The following TTC28 variants were observed in gnomAD, a reference collection of about 807,000 sequenced individuals.
The protein encoded by TTC28 is tetratricopeptide repeat domain 28.
Under a neutral mutation model 198.0 loss-of-function variants are expected in TTC28, and 61 were observed. That is an observed-to-expected ratio of 0.31 (90% CI 0.25 to 0.38). TTC28 has a LOEUF of 0.38. Ranked by LOEUF, TTC28 falls within the 10% of genes least tolerant of loss-of-function variation. TTC28 has a pLI of 1.00. For synonymous variants in TTC28, 1,171 were observed against 1,297.8 expected, an observed-to-expected ratio of 0.90 and a Z score of 2.10; for missense variants, 2,678 against 3,164.0, an observed-to-expected ratio of 0.85 and a Z score of 3.69.
In TTC28 at chr22:27,996,263, C is replaced by CAGAA; in HGVS notation, c.5120-8_5120-5dup. 1 of 1,550,434 alleles carries CAGAA rather than the reference C, an allele frequency of 6.4e-7. No homozygotes were observed. Among genetic ancestry groups the CAGAA allele is most frequent in the Non-Finnish European group, 8.7e-7 (1 of 1,146,806 alleles). ...TCACTCCCGATGAGCATGAACCCTG[C>CAGAA]AGAAAGCAAAGGAGGGCACCTCAGC... On this transcript the variant is annotated splice_polypyrimidine_tract_variant and splice_region_variant and intron_variant, in intron 16 of 22. Transcript: ENST00000397906.
In TTC28 at chr22:27,999,048, C is replaced by T; in HGVS notation, c.4611G>A (p.Leu1537=). Reference sequence around the variant, plus strand: ...CAAAGTGGACGCATTCAGCCTGGGTCAGGGCACTCATGACCCTCTCCTTGG... The same window carrying T: ...CAAAGTGGACGCATTCAGCCTGGGTTAGGGCACTCATGACCCTCTCCTTGG... ...VATKERVMSA[L]TQAECVHFAT... The change falls in exon 16 of 23, where the codon CTG becomes CTA. Residue 1537 remains leucine (L), a synonymous_variant. Coordinates refer to ENST00000397906, the MANE Select transcript of TTC28 (RefSeq NM_001145418.2). 1 of 1,550,356 alleles carries T rather than the reference C, an allele frequency of 6.5e-7. No homozygotes were observed. Among genetic ancestry groups the T allele is most frequent in the East Asian group, 2.4e-5 (1 of 40,918 alleles).
chr22:28,311,654 G>A (rs2145823299), intron 2 of TTC28, among the ~76,000 whole-genome samples: 1 of 152,136 alleles, frequency 6.6e-6, no homozygotes, highest in Non-Finnish European at 1.5e-5. Flanking sequence ...CTTTCTCTGT[G>A]TTGCAAACAA....
intron 5 of TTC28, among the ~76,000 whole-genome samples, chr22:28,248,887 G>A (rs1004036379): frequency 6.6e-6 from 1 of 151,990 alleles, no homozygotes; most frequent in African/African-American, 2.4e-5. Context: ...TAGCAGGGGG[G>A]GAAATACAGA....
chr22:28,467,699 G>C (rs932043529), intron 2 of TTC28, among the ~76,000 whole-genome samples: 8 of 152,176 alleles, frequency 5.3e-5, no homozygotes, highest in African/African-American at 1.7e-4. Context: ...CATGCCTCAG[G>C]CATTAGCAAA....
At chr22:27,995,869 A>C (rs1937542502) in intron 17 of TTC28, among the ~76,000 whole-genome samples, 1 of 152,150 alleles carries the variant, frequency 6.6e-6, no homozygotes, top group Admixed American at 6.5e-5. Context: ...CCCACCCCTC[A>C]GGCCAGCGGG....
At chr22:28,182,744 A>G (rs570606748) in intron 5 of TTC28, among the ~76,000 whole-genome samples, 1 of 152,156 alleles carries the variant, frequency 6.6e-6, no homozygotes, top group Non-Finnish European at 1.5e-5. Context: ...TACTTTCACT[A>G]ATTCTAGCAG....
chr22:27,982,590 G>T lies in TTC28; in HGVS notation c.7077C>A (p.Asn2359Lys). 6.4e-7 allele frequency: 1 copy of T among 1,551,740 alleles called. No homozygotes were observed. The highest frequency in any genetic ancestry group is 8.7e-7 in the Non-Finnish European group (1 of 1,147,014). ...GTGTGCTCTGCCAGAACATCTTCAG[G>T]TTATGGACAGCCTGCACCTTTTCAT... The part of the protein sequence containing the change: ...AIDEKVQAVH[N>K]LKMFWQSTPQ... Residue 2359 changes from asparagine (N) to lysine (K), a missense_variant, in exon 23 of 23, where the codon AAC becomes AAA. Around this residue, in one of 8 missense-constraint regions of TTC28, gnomAD observed 622 missense variants for 656.0 expected, o/e 0.95. Transcript: ENST00000397906. This position sits in a 1 kb window ranked among gnomAD's most constrained non-coding sequence, Gnocchi z 5.2.
chr22:28,369,264 G>A (rs764065876), intron 2 of TTC28, among the ~76,000 whole-genome samples: 6 of 152,070 alleles, frequency 3.9e-5, no homozygotes, highest in Non-Finnish European at 5.9e-5. Context: ...AGAGAACCCA[G>A]AAACAAATCC....
At chr22:28,232,435 G>A (rs1244383491) in intron 5 of TTC28, among the ~76,000 whole-genome samples, 1 of 152,214 alleles carries the variant, frequency 6.6e-6, no homozygotes, top group Non-Finnish European at 1.5e-5. Context: ...TCCTCAGCAA[G>A]CAGCAGCAAT....
intron 5 of TTC28, among the ~76,000 whole-genome samples, chr22:28,194,776 A>C (rs1925226324): frequency 7.8e-6 from 1 of 128,268 alleles, no homozygotes; most frequent in South Asian, 2.7e-4. Context: ...ACAGGCTCTG[A>C]AATTGAGGCA....
At chr22:28,532,159 G>C (rs2049154566) in intron 2 of TTC28, among the ~76,000 whole-genome samples, 1 of 151,992 alleles carries the variant, frequency 6.6e-6, no homozygotes, top group Non-Finnish European at 1.5e-5. Flanking sequence ...TAGACCACTA[G>C]CAAGACTAAT....
chr22:28,404,489 A>G (rs2046969542), intron 2 of TTC28, among the ~76,000 whole-genome samples: 1 of 152,162 alleles, frequency 6.6e-6, no homozygotes, highest in South Asian at 2.1e-4. Context: ...CCACTGTTCT[A>G]CACACACTTG....
chr22:28,040,686 T>C (rs755136357), intron 12 of TTC28, among the ~76,000 whole-genome samples: 22 of 152,198 alleles, frequency 1.4e-4, no homozygotes, highest in Non-Finnish European at 2.6e-4. Context: ...AAGAAAAGGA[T>C]GCCCTCTGTC....
At chr22:28,417,803 T>C (rs2047190440) in intron 2 of TTC28, among the ~76,000 whole-genome samples, 1 of 152,062 alleles carries the variant, frequency 6.6e-6, no homozygotes, top group Admixed American at 6.6e-5. Flanking sequence ...AATCTTCAAG[T>C]CCTCCCAATA....
intron 1 of TTC28, among the ~76,000 whole-genome samples, chr22:28,643,570 A>G (rs2051403603): frequency 1.3e-5 from 2 of 152,232 alleles, no homozygotes. Context: ...CAATTTGGGG[A>G]AAATTAATGT....
chr22:28,592,842 C>A (rs539573778), intron 2 of TTC28, among the ~76,000 whole-genome samples: 28 of 152,262 alleles, frequency 1.8e-4, no homozygotes, highest in African/African-American at 6.3e-4. Flanking sequence ...GTAAGAATCA[C>A]AGTCACATTT....
intron 2 of TTC28, among the ~76,000 whole-genome samples, chr22:28,547,529 T>C (rs2049571071): frequency 6.6e-6 from 1 of 152,174 alleles, no homozygotes; most frequent in African/African-American, 2.4e-5. Context: ...CTGCTTCTCA[T>C]ACAAAGTGTC....
Position 28,107,554 on chromosome 22 carries a change from T to C in TTC28, c.2291A>G (p.Tyr764Cys). ...ASAYAALGTAYRMIQKYDKAL... is the reference protein window; with the variant it reads ...ASAYAALGTACRMIQKYDKAL... ...CTTGTCATACTTCTGGATCATTCGGTATGCAGTGCCCAGGGCTGCATATGC... is the reference window on the plus strand; with the variant it reads ...CTTGTCATACTTCTGGATCATTCGGCATGCAGTGCCCAGGGCTGCATATGC... Residue 764 changes from tyrosine (Y) to cysteine (C), a missense_variant, in exon 7 of 23, where the codon TAC becomes TGC. Transcript: ENST00000397906. 1.3e-6 allele frequency: 2 copies of C among 1,551,860 alleles called. No individual in the cohort carries two copies. Among genetic ancestry groups the C allele is most frequent in the Non-Finnish European group, 1.7e-6 (2 of 1,147,038 alleles).
chr22:28,574,895 T>C lies in TTC28; in HGVS notation c.381+54657A>G, dbSNP rs544652531. ...ATTACTAGATTTTTTTCCCATAGAG[T>C]TGTTTGAGCTCCTTATATATTCTGA... is the stretch of plus-strand genomic sequence containing the variant. On this transcript the variant is annotated intron_variant, in intron 2 of 22. Coordinates refer to ENST00000397906, the MANE Select transcript of TTC28 (RefSeq NM_001145418.2). Among the ~76,000 whole-genome samples, 13 of 152,212 alleles carry C rather than the reference T, an allele frequency of 8.5e-5. No homozygotes were observed. The East Asian group carries it at 2.3e-3, about 27-fold the overall frequency.
Sources: gnomAD v4.1 joint callset for allele counts (sites outside exome capture counted in the v4.1 genomes callset) on GRCh38, gnomAD v4.1.1 for gene constraint, gnomAD v4.1.1 regional missense constraint, Gnocchi (gnomAD v3.1) non-coding constraint, MANE v1.5 for transcripts, NCBI Gene and HGNC (gene_info 2026-07-23, HGNC 2026-07-21) for gene names.